The following SMYD3 variants were observed in gnomAD, a reference collection of about 807,000 sequenced individuals.
SMYD3 encodes SET and MYND domain containing 3.
SMYD3 carries 36 observed loss-of-function variants against 57.7 expected under a neutral mutation model. The ratio of observed to expected loss-of-function variants is 0.62; its 90% CI spans 0.48 to 0.82. The LOEUF (loss-of-function observed/expected upper bound fraction) is 0.82, where lower values mean the gene tolerates loss of function less well. SMYD3 is among the 40% of genes least tolerant of loss of function. SMYD3 has a pLI of 0.00. For synonymous variants in SMYD3, 211 were observed against 195.0 expected (o/e 1.08, Z -0.68); for missense variants, 515 against 538.8 (o/e 0.96, Z 0.44).
rs540546317 is a variant in SMYD3, at chr1:246,346,517, G to A, written c.228+8514C>T. 2.6e-5 allele frequency among the ~76,000 whole-genome samples: 4 copies of A among 152,258 alleles called. No individual in the cohort carries two copies. In the South Asian group the frequency reaches 8.3e-4, roughly 32 times the overall value. On this transcript the variant is annotated intron_variant, in intron 2 of 11. Transcript: ENST00000490107. ...AATTGACTCACAGTTCCACAGGGCT[G>A]TGGAGGAAACTTATAATCGTAGTGG...
intron 5 of SMYD3, among the ~76,000 whole-genome samples, chr1:246,216,849 A>G (rs12085977): frequency 0.27 from 40,358 of 151,988 alleles, 6,092 homozygotes; most frequent in East Asian, 0.58. Context: ...TAACCTGAGG[A>G]TCCTGAACTT....
intron 1 of SMYD3, among the ~76,000 whole-genome samples, chr1:246,368,401 A>G (rs12060678): frequency 0.055 from 8,449 of 152,246 alleles, 335 homozygotes; most frequent in African/African-American, 0.09. Flanking sequence ...GATATAGAAA[A>G]CAAAAAAATC....
At chr1:246,005,780 C>G (rs2059158021) in intron 5 of SMYD3, among the ~76,000 whole-genome samples, 1 of 152,180 alleles carries the variant, frequency 6.6e-6, no homozygotes, top group African/African-American at 2.4e-5. Flanking sequence ...GTGGGGGAAG[C>G]CAGGTCCTTC....
In SMYD3 at chr1:246,163,484, TGCAAATAA is replaced by T. The variant is rs1018797470; in HGVS notation, c.531+163709_531+163716del. On this transcript the variant is annotated intron_variant, in intron 5 of 11. Coordinates refer to ENST00000490107, the MANE Select transcript of SMYD3 (RefSeq NM_001167740.2). ...TCACCTACCTGCATTCTTCTGAACT[TGCAAATAA>T]AGGCAATCAGGACTCTACCTGCTAG... Among the ~76,000 whole-genome samples, 86 of 152,326 alleles carry T rather than the reference TGCAAATAA, an allele frequency of 5.6e-4. 1 individual carries two copies. Among genetic ancestry groups the T allele is most frequent in the African/African-American group, 1.9e-3 (80 of 41,580 alleles).
intron 5 of SMYD3, among the ~76,000 whole-genome samples, chr1:246,284,903 T>C (rs2064528861): frequency 6.6e-6 from 1 of 152,078 alleles, no homozygotes; most frequent in Non-Finnish European, 1.5e-5. Context: ...GTTGCTAATA[T>C]TTTATTTAGG....
chr1:246,045,640 T>G (rs1265121432), intron 5 of SMYD3, among the ~76,000 whole-genome samples: 11 of 152,080 alleles, frequency 7.2e-5, no homozygotes, highest in Non-Finnish European at 1.5e-4. Flanking sequence ...TGGGATCTAA[T>G]TAAACTAAAG....
At position 246,415,174 on chromosome 1, in the gene SMYD3, C is replaced by T. The variant is rs181233620; in HGVS notation, c.165-60080G>A. Among the ~76,000 whole-genome samples the T allele has an allele frequency of 6.8e-3, 1,033 of 152,076 alleles. 11 individuals are homozygous for T. Among genetic ancestry groups the T allele is most frequent in the Non-Finnish European group, 7.9e-3 (535 of 67,970 alleles). On this transcript the variant is annotated intron_variant, in intron 1 of 11. Coordinates refer to ENST00000490107, the MANE Select transcript of SMYD3 (RefSeq NM_001167740.2). ...AAACATGATAATAAAACTAACAAAC[C>T]CCTGGAATTGTTAACACAGATACAC...
intron 3 of SMYD3, among the ~76,000 whole-genome samples, chr1:246,332,604 G>A (rs1193285740): frequency 2.0e-5 from 3 of 152,206 alleles, no homozygotes; most frequent in South Asian, 2.1e-4. Flanking sequence ...TCAGGAGCTC[G>A]AGACCAGCCT....
chr1:245,928,167 A>G, intron 6 of SMYD3, 134 bp from the exon 7 acceptor site: 1 of 559,146 alleles, frequency 1.8e-6, no homozygotes, highest in South Asian at 1.8e-5. Context: ...CCAGGGGTTC[A>G]GTACTCGGGG....
intron 5 of SMYD3, among the ~76,000 whole-genome samples, chr1:246,007,461 T>C (rs749868051): frequency 1.3e-5 from 2 of 151,944 alleles, no homozygotes; most frequent in Non-Finnish European, 2.9e-5. Context: ...GGGTTTCATG[T>C]AGGGGGAGAG....
chr1:246,330,198 G>GA (rs1357835074), intron 4 of SMYD3, among the ~76,000 whole-genome samples: 1 of 152,072 alleles, frequency 6.6e-6, no homozygotes, highest in Non-Finnish European at 1.5e-5. Flanking sequence ...GGGAAACAGG[G>GA]AAGAAAAAAA....
chr1:246,313,164 C>T (rs1264943537), intron 5 of SMYD3, among the ~76,000 whole-genome samples: 1 of 152,234 alleles, frequency 6.6e-6, no homozygotes, highest in Non-Finnish European at 1.5e-5. Flanking sequence ...CCTCGGCCTC[C>T]CAAAGGACTG....
At chr1:246,252,942 A>G (rs2063819917) in intron 5 of SMYD3, among the ~76,000 whole-genome samples, 1 of 152,256 alleles carries the variant, frequency 6.6e-6, no homozygotes, top group African/African-American at 2.4e-5. Context: ...ACCCGCTAAC[A>G]GCATAAAATA....
intron 5 of SMYD3, among the ~76,000 whole-genome samples, chr1:245,961,710 C>A (rs892600693): frequency 6.6e-6 from 1 of 151,988 alleles, no homozygotes; most frequent in Non-Finnish European, 1.5e-5. Flanking sequence ...CTCTAAGGAA[C>A]CTTTAGAGCC....
intron 5 of SMYD3, 118 bp downstream of exon 5, chr1:246,327,083 T>C (rs1038817833): frequency 2.4e-5 from 28 of 1,161,134 alleles, no homozygotes; most frequent in Non-Finnish European, 3.6e-5. Context: ...GGAAGTAATA[T>C]AAGGCATTAA....
At chr1:245,927,793 C>A in intron 7 of SMYD3, 138 bp downstream of exon 7, 3 of 656,628 alleles carry the variant, frequency 4.6e-6, no homozygotes, top group Middle Eastern at 4.3e-4. Context: ...GGAGAGGTGA[C>A]TGAACTACAA....
intron 1 of SMYD3, among the ~76,000 whole-genome samples, chr1:246,401,700 T>G (rs1190202808): frequency 6.8e-6 from 1 of 146,946 alleles, no homozygotes; most frequent in Admixed American, 7.1e-5. Context: ...CCAGTAGCAA[T>G]GTTCTTAAAT....
At chr1:246,033,749 C>T (rs6675350) in intron 5 of SMYD3, among the ~76,000 whole-genome samples, 69,180 of 151,716 alleles carry the variant, frequency 0.46, 17,874 homozygotes, top group East Asian at 0.96. Flanking sequence ...ATCACGCTAC[C>T]GCACTCCAGC....
intron 1 of SMYD3, among the ~76,000 whole-genome samples, chr1:246,463,549 G>A (rs1013012961): frequency 4.0e-5 from 6 of 151,560 alleles, no homozygotes; most frequent in Non-Finnish European, 7.4e-5. Context: ...CAGGCACGGT[G>A]GCTCACGCCT....
Sources: allele counts gnomAD v4.1 joint callset (sites outside exome capture counted in the v4.1 genomes callset), GRCh38; gene constraint gnomAD v4.1.1; transcripts MANE v1.5; gene names NCBI Gene and HGNC (gene_info 2026-07-23, HGNC 2026-07-21).